UTRN: variants seen among roughly 807,000 people sequenced by gnomAD.
UTRN encodes utrophin.
A neutral mutation model predicts 463.9 loss-of-function variants in UTRN; 283 were observed. That is an observed-to-expected ratio of 0.61 (90% CI 0.55 to 0.67). UTRN has a LOEUF of 0.67. Ranked by LOEUF, UTRN falls within the 30% of genes least tolerant of loss-of-function variation. The pLI, the probability that UTRN is intolerant of heterozygous loss-of-function variation, is 0.00. For missense variants in UTRN, 3,922 were observed against 4,084.3 expected (o/e 0.96, Z 1.08); for synonymous variants, 1,442 against 1,431.5 (o/e 1.01, Z -0.17).
At chr6:144,551,644 C>T (rs1798928301) in intron 48 of UTRN, among the ~76,000 whole-genome samples, 1 of 152,172 alleles carries the variant, frequency 6.6e-6, no homozygotes, top group Non-Finnish European at 1.5e-5. Flanking sequence ...CATTCTAGCT[C>T]AGAAGCATCT....
rs942381307 is a variant in UTRN at position 144,697,009 on chromosome 6, A to G, written c.7653-3078A>G. On this transcript the variant is annotated intron_variant, in intron 52 of 74. Transcript: ENST00000367545. ...GCTTAAATGATGAAGTACCATTTTT[A>G]TGGGTCTTTACCTTCTAACATGTTT... 1.5e-3 allele frequency among the ~76,000 whole-genome samples: 221 copies of G among 152,266 alleles called. 1 individual carries two copies. Among genetic ancestry groups the G allele is most frequent in the African/African-American group, 5.1e-3 (211 of 41,574 alleles).
intron 2 of UTRN, among the ~76,000 whole-genome samples, chr6:144,307,436 A>T (rs1166839955): frequency 6.6e-6 from 1 of 152,208 alleles, no homozygotes; most frequent in Non-Finnish European, 1.5e-5. Context: ...TATATTCTCA[A>T]AGGAGACCTA....
intron 54 of UTRN, among the ~76,000 whole-genome samples, chr6:144,732,253 TATATACACAC>T (rs1312112451): frequency 2.7e-5 from 3 of 112,434 alleles, no homozygotes; most frequent in African/African-American, 9.0e-5. Context: ...TATATATATA[TATATACACAC>T]ATATATATAT....
At chr6:144,384,430 T>C (rs573564160) in intron 2 of UTRN, among the ~76,000 whole-genome samples, 1 of 152,196 alleles carries the variant, frequency 6.6e-6, no homozygotes, top group South Asian at 2.1e-4. Flanking sequence ...TAATGCCTGA[T>C]GATCTGTGGT....
At chr6:144,599,533 CAAA>C (rs1804017612) in intron 51 of UTRN, among the ~76,000 whole-genome samples, 3 of 151,778 alleles carry the variant, frequency 2.0e-5, no homozygotes, top group South Asian at 2.1e-4. Context: ...CTCTGAATGT[CAAA>C]GAAGTATAAT....
At chr6:144,768,327 G>C (rs1348778897) in intron 58 of UTRN, among the ~76,000 whole-genome samples, 4 of 152,126 alleles carry the variant, frequency 2.6e-5, no homozygotes, top group Non-Finnish European at 5.9e-5. Context: ...TCCATAAAAT[G>C]CAGAGATTAT....
intron 1 of UTRN, among the ~76,000 whole-genome samples, chr6:144,287,753 G>A (rs1055753645): frequency 6.6e-6 from 1 of 152,168 alleles, no homozygotes; most frequent in African/African-American, 2.4e-5. Context: ...GCGTTCTGAA[G>A]GGAGAGTTAG....
In UTRN at chr6:144,757,944, C is replaced by T. The variant is rs766001571; in HGVS notation, c.8450C>T (p.Pro2817Leu). Residue 2817 changes from proline (P) to leucine (L), a missense_variant, in exon 58 of 75, where the codon CCG becomes CTG. By Grantham distance (98) the Pro-to-Leu change is moderately conservative. Coordinates refer to ENST00000367545, the MANE Select transcript of UTRN (RefSeq NM_007124.3). Reference protein sequence around the residue: ...QHFLSTSVQLPWQRSISHNKV... With the variant: ...QHFLSTSVQLLWQRSISHNKV... ...GTTTCCTCAGCGTCAGTCCAGCTGC[C>T]GTGGCAAAGATCCATTTCACATAAT... 45 of 1,610,062 alleles carry T rather than the reference C, an allele frequency of 2.8e-5. No individual in the cohort carries two copies. The highest frequency in any genetic ancestry group is 3.6e-5 in the Non-Finnish European group (42 of 1,177,802).
chr6:144,757,949 C>G lies in UTRN; in HGVS notation c.8455C>G (p.Gln2819Glu). The G allele has an allele frequency of 6.2e-7, 1 of 1,610,948 alleles. No individual in the cohort carries two copies. Among genetic ancestry groups the G allele is most frequent in the African/African-American group, 1.3e-5 (1 of 74,856 alleles). Residue 2819 changes from glutamine (Q) to glutamate (E), a missense_variant, in exon 58 of 75, where the codon CAA (glutamine) becomes GAA (glutamate). Gln to Glu is a conservative substitution (Grantham distance 29, BLOSUM62 2). This residue lies in a region of UTRN where 1,309 missense variants were observed against 1,452.6 expected (regional missense o/e 0.90). Coordinates refer to ENST00000367545, the MANE Select transcript of UTRN (RefSeq NM_007124.3). ...CTCAGCGTCAGTCCAGCTGCCGTGG[C>G]AAAGATCCATTTCACATAATAAAGT... Reference protein sequence around the residue: ...FLSTSVQLPWQRSISHNKVPY... With the variant: ...FLSTSVQLPWERSISHNKVPY...
intron 23 of UTRN, among the ~76,000 whole-genome samples, chr6:144,472,415 C>T (rs1259346412): frequency 1.3e-5 from 2 of 151,492 alleles, no homozygotes; most frequent in African/African-American, 4.9e-5. Flanking sequence ...ATAATGCTCA[C>T]AAATGAACAT....
intron 35 of UTRN, among the ~76,000 whole-genome samples, chr6:144,512,410 C>G (rs1276336656): frequency 6.6e-6 from 1 of 152,162 alleles, no homozygotes; most frequent in Non-Finnish European, 1.5e-5. Context: ...TGGCACTCAT[C>G]AGTTCTTCCT....
At chr6:144,573,708 A>G (rs1801169097) in intron 50 of UTRN, among the ~76,000 whole-genome samples, 2 of 152,086 alleles carry the variant, frequency 1.3e-5, no homozygotes, top group Non-Finnish European at 2.9e-5. Context: ...GAATAAAATA[A>G]AATAAAATAA....
chr6:144,526,519 C>G (rs1796581943), intron 41 of UTRN, among the ~76,000 whole-genome samples: 1 of 151,922 alleles, frequency 6.6e-6, no homozygotes, highest in Non-Finnish European at 1.5e-5. Context: ...CTTTTGGTGT[C>G]CATTTGGATG....
At chr6:144,444,207 A>G in intron 13 of UTRN, 74 bp from the exon 14 acceptor site, 1 of 1,194,844 alleles carries the variant, frequency 8.4e-7, no homozygotes. Context: ...AATGGAAATC[A>G]TGAATTTCTT....
chr6:144,405,492 A>T (rs1480611488), intron 3 of UTRN, among the ~76,000 whole-genome samples: 2 of 152,212 alleles, frequency 1.3e-5, no homozygotes, highest in African/African-American at 4.8e-5. Flanking sequence ...ACAAGAAAAA[A>T]AAATAAATCC....
chr6:144,839,069 T>C (rs1254436643), intron 71 of UTRN, 104 bp from the exon 72 acceptor site: 7 of 823,806 alleles, frequency 8.5e-6, no homozygotes, highest in East Asian at 5.2e-5. Context: ...GACTTCTATA[T>C]GATTTAATTA....
At chr6:144,773,561 A>G (rs1418685657) in intron 59 of UTRN, among the ~76,000 whole-genome samples, 2 of 152,216 alleles carry the variant, frequency 1.3e-5, no homozygotes, top group Non-Finnish European at 2.9e-5. Context: ...ACTTAATCAA[A>G]GTTTTACCTG....
At chr6:144,775,200 G>C (rs1368836402) in intron 60 of UTRN, among the ~76,000 whole-genome samples, 1 of 152,150 alleles carries the variant, frequency 6.6e-6, no homozygotes, top group Non-Finnish European at 1.5e-5. Context: ...AAAATGATAT[G>C]TTAAGGTTGA....
chr6:144,343,202 C>T (rs1171552034), intron 2 of UTRN, among the ~76,000 whole-genome samples: 1 of 152,048 alleles, frequency 6.6e-6, no homozygotes, highest in Non-Finnish European at 1.5e-5. Flanking sequence ...TTCTATTTCA[C>T]AACAAGCAAG....
Sources: allele counts gnomAD v4.1 joint callset (sites outside exome capture counted in the v4.1 genomes callset), GRCh38; gene constraint gnomAD v4.1.1; regional missense constraint gnomAD v4.1.1; transcripts MANE v1.5; gene names NCBI Gene and HGNC (gene_info 2026-07-23, HGNC 2026-07-21).